PCDHGA4: variants seen among roughly 807,000 people sequenced by gnomAD.
PCDHGA4 encodes protocadherin gamma subfamily A, 4.
A neutral mutation model predicts 54.6 loss-of-function variants in PCDHGA4; 38 were observed. The ratio of observed to expected loss-of-function variants is 0.70; its 90% CI spans 0.54 to 0.91. PCDHGA4 has a LOEUF of 0.91. Ranked by LOEUF, PCDHGA4 falls within the 40% of genes least tolerant of loss-of-function variation. The pLI is 0.00. For synonymous variants in PCDHGA4, 511 were observed against 512.9 expected, an observed-to-expected ratio of 1.00 and a Z score of 0.05; for missense variants, 1,298 against 1,220.9, an observed-to-expected ratio of 1.06 and a Z score of -0.94.
intron 1 of PCDHGA4, chr5:141,374,203 G>C: frequency 6.2e-7 from 1 of 1,613,926 alleles, no homozygotes; most frequent in East Asian, 2.2e-5. Context: ...AGGAGCTGGA[G>C]AAAGGCTCCT....
chr5:141,498,967 GGGAGGGAAGGAAGGAA>G (rs1333462541), intron 2 of PCDHGA4, among the ~76,000 whole-genome samples: 8 of 129,672 alleles, frequency 6.2e-5, no homozygotes, highest in East Asian at 2.2e-4. Context: ...GAGGGAGGGA[GGGAGGGAAGGAAGGAA>G]GGAAGGAAGG....
At chr5:141,383,861 C>A (rs1284375260) in intron 1 of PCDHGA4, 1 of 1,613,936 alleles carries the variant, frequency 6.2e-7, no homozygotes, top group East Asian at 2.2e-5. Context: ...GAGGTTCAGG[C>A]TCAAGATGGT....
In PCDHGA4 at chr5:141,431,584, G is replaced by C. The variant is rs201462681; in HGVS notation, c.2515-63223G>C. 5.0e-6 allele frequency: 8 copies of C among 1,614,192 alleles called. No individual in the cohort carries two copies. The Admixed American group carries it at 1.3e-4, about 27-fold the overall frequency. ...CCGACCCTGACGAAGGAGTCAATGC[G>C]GAAGTGAGGTATTCCTTCCGGTATG... On this transcript the variant is annotated intron_variant, in intron 1 of 3. Transcript: ENST00000571252. This position sits in a 1 kb window ranked among gnomAD's most constrained non-coding sequence, Gnocchi z 4.8.
chr5:141,361,192 T>A, intron 1 of PCDHGA4: 1 of 1,613,978 alleles, frequency 6.2e-7, no homozygotes, highest in Non-Finnish European at 8.5e-7. Flanking sequence ...GACTTCAGTA[T>A]CTACTCCCCT....
At position 141,357,409 on chromosome 5, in the gene PCDHGA4, G is replaced by C; in HGVS notation, c.2302G>C (p.Ala768Pro). Reference protein sequence around the residue: ...AEGSRLAGVPASHFVGVDGVR... With the variant: ...AEGSRLAGVPPSHFVGVDGVR... ...AGGCAGCAGGTTGGCAGGTGTGCCT[G>C]CCTCGCACTTTGTGGGCGTGGACGG... Residue 768 changes from alanine (A) to proline (P), a missense_variant, in exon 1 of 4, where the codon GCC becomes CCC. Transcript: ENST00000571252. 6.2e-7 allele frequency: 1 copy of C among 1,614,250 alleles called. No homozygotes were observed. Among genetic ancestry groups the C allele is most frequent in the Non-Finnish European group, 8.5e-7 (1 of 1,180,050 alleles).
Position 141,487,892 on chromosome 5 carries a change from T to A in PCDHGA4, c.2515-6915T>A. On this transcript the variant is annotated intron_variant, in intron 1 of 3. Coordinates refer to ENST00000571252, the MANE Select transcript of PCDHGA4 (RefSeq NM_018917.4). The surrounding 1 kb of genome is among the most constrained non-coding windows in gnomAD (Gnocchi z 5.0). The stretch of plus-strand genomic sequence containing the variant: ...GAGCCAGGCTGTTGTGGAAGCATGA[T>A]GATGGAATGTGGGAGCACAGGAGGC... 1 of 731,410 alleles carries A rather than the reference T, an allele frequency of 1.4e-6. No homozygotes were observed. Among genetic ancestry groups the A allele is most frequent in the South Asian group, 1.8e-5 (1 of 54,120 alleles). The allele number at this position is 731,410 out of a possible 1,614,324, so 45.3% of individuals were successfully genotyped here. A position where few individuals can be genotyped will look rare whatever the true frequency, so the allele number is the denominator to read the frequency against.
chr5:141,422,661 C>T (rs1289162498), intron 1 of PCDHGA4: 7 of 1,608,938 alleles, frequency 4.4e-6, no homozygotes, highest in Admixed American at 1.7e-5. Flanking sequence ...TGACCGCCCT[C>T]GACCCGGACA....
At chr5:141,365,314 T>A in intron 1 of PCDHGA4, 1 of 1,613,862 alleles carries the variant, frequency 6.2e-7, no homozygotes, top group East Asian at 2.2e-5. Context: ...GCGCTCTTGT[T>A]GCCAGCGCTA....
intron 1 of PCDHGA4, among the ~76,000 whole-genome samples, chr5:141,435,592 C>T (rs573084790): frequency 1.3e-5 from 2 of 152,060 alleles, no homozygotes; most frequent in African/African-American, 2.4e-5. Flanking sequence ...GCAGTAATAT[C>T]GCCTGCTTTT....
intron 1 of PCDHGA4, chr5:141,365,253 A>G (rs1763814300): frequency 8.7e-6 from 14 of 1,613,978 alleles, no homozygotes; most frequent in Non-Finnish European, 1.1e-5. Context: ...CAATCACTGG[A>G]CTATGAAGAA....
intron 2 of PCDHGA4, among the ~76,000 whole-genome samples, chr5:141,503,985 T>C (rs1277024188): frequency 6.6e-6 from 1 of 152,150 alleles, no homozygotes; most frequent in African/African-American, 2.4e-5. Flanking sequence ...ACCCTTCTTC[T>C]TACCTTACAG....
chr5:141,502,518 T>C (rs1388007900), intron 2 of PCDHGA4, among the ~76,000 whole-genome samples: 1 of 152,184 alleles, frequency 6.6e-6, no homozygotes, highest in Non-Finnish European at 1.5e-5. Flanking sequence ...CCACTATCAG[T>C]GATGCCGAGT....
At chr5:141,419,348 G>A (rs1195474899) in intron 1 of PCDHGA4, 1 of 1,613,816 alleles carries the variant, frequency 6.2e-7, no homozygotes, top group Non-Finnish European at 8.5e-7. Context: ...CAGCGACCTG[G>A]AGTCACGAAC....
chr5:141,500,497 C>T (rs1214550546), intron 2 of PCDHGA4, among the ~76,000 whole-genome samples: 1 of 152,174 alleles, frequency 6.6e-6, no homozygotes, highest in Non-Finnish European at 1.5e-5. Context: ...GCGTGAGCCA[C>T]CGCGCCTGGC....
At chr5:141,403,524 A>T in intron 1 of PCDHGA4, 1 of 1,613,890 alleles carries the variant, frequency 6.2e-7, no homozygotes. Context: ...GGAGCCATAA[A>T]CCCAGAGCTG....
chr5:141,362,661 A>G (rs533318965), intron 1 of PCDHGA4: 682 of 1,346,776 alleles, frequency 5.1e-4, no homozygotes, highest in Non-Finnish European at 6.6e-4. Flanking sequence ...GATTTGGCCA[A>G]TGTTGTGCCT....
chr5:141,501,333 A>ACACACACC (rs1186649373), intron 2 of PCDHGA4, among the ~76,000 whole-genome samples: 1 of 140,020 alleles, frequency 7.1e-6, no homozygotes, highest in African/African-American at 2.6e-5. Context: ...ACACACACAC[A>ACACACACC]CCCCAAACTC....
At chr5:141,409,735 C>T (rs763035733) in intron 1 of PCDHGA4, 1 of 1,613,006 alleles carries the variant, frequency 6.2e-7, no homozygotes, top group Admixed American at 1.7e-5. Context: ...GCGCGCAGAG[C>T]GGGGTGGTGT....
chr5:141,487,656 C>G lies in PCDHGA4; in HGVS notation c.2515-7151C>G. ...GCTCAACAAATGCTTGAGGGTTATT[C>G]TGATCCAGGCATATGGCTAGGCCAT... On this transcript the variant is annotated intron_variant, in intron 1 of 3. Coordinates refer to ENST00000571252, the MANE Select transcript of PCDHGA4 (RefSeq NM_018917.4). The surrounding 1 kb of genome is among the most constrained non-coding windows in gnomAD (Gnocchi z 5.0). 6.2e-7 allele frequency: 1 copy of G among 1,613,658 alleles called. No individual in the cohort carries two copies. Among genetic ancestry groups the G allele is most frequent in the Non-Finnish European group, 8.5e-7 (1 of 1,179,794 alleles).
Sources: gnomAD v4.1 joint callset for allele counts (sites outside exome capture counted in the v4.1 genomes callset) on GRCh38, gnomAD v4.1.1 for gene constraint, Gnocchi (gnomAD v3.1) non-coding constraint, MANE v1.5 for transcripts, NCBI Gene and HGNC (gene_info 2026-07-23, HGNC 2026-07-21) for gene names.